CAPZA2: variants seen among roughly 807,000 people sequenced by gnomAD.
The protein encoded by CAPZA2 is capping actin protein of muscle Z-line subunit alpha 2.
A neutral mutation model predicts 44.0 loss-of-function variants in CAPZA2; 13 were observed. The observed-to-expected ratio is 0.30, with a 90% CI of 0.19 to 0.47. CAPZA2 has a LOEUF of 0.47. CAPZA2 is among the 20% of genes least tolerant of loss of function. CAPZA2 has a pLI of 1.00. For missense variants in CAPZA2, 244 were observed against 338.6 expected (o/e 0.72, Z 2.19); for synonymous variants, 94 against 108.2 (o/e 0.87, Z 0.81).
At position 116,904,231 on chromosome 7, in the gene CAPZA2, A is replaced by G; in HGVS notation, c.274A>G (p.Asn92Asp). 1.9e-6 allele frequency: 3 copies of G among 1,613,968 alleles called. No individual in the cohort carries two copies. The highest frequency in any genetic ancestry group is 2.5e-6 in the Non-Finnish European group (3 of 1,179,870). Residue 92 changes from asparagine (N) to aspartate (D), a missense_variant, in exon 5 of 10, where the codon AAC (asparagine) becomes GAC (aspartate). Physicochemically the swap from Asn to Asp is conservative, Grantham distance 23. Coordinates refer to ENST00000361183, the MANE Select transcript of CAPZA2 (RefSeq NM_006136.3). ...LGNGKFLDPK[N>D]RICFKFDHLR... Reference sequence around the variant, plus strand: ...AAATGGAAAGTTTTTGGATCCAAAGAACAGAATCTGTTTTAAATTTGATCA... The same window carrying G: ...AAATGGAAAGTTTTTGGATCCAAAGGACAGAATCTGTTTTAAATTTGATCA...
intron 1 of CAPZA2, among the ~76,000 whole-genome samples, chr7:116,881,508 G>C (rs900297823): frequency 1.3e-5 from 2 of 152,094 alleles, no homozygotes; most frequent in Non-Finnish European, 2.9e-5. Context: ...GGGAGGCCAA[G>C]GTGGGCGGAT....
chr7:116,864,182 AAG>A (rs1388976255), intron 1 of CAPZA2, among the ~76,000 whole-genome samples: 1 of 152,194 alleles, frequency 6.6e-6, no homozygotes, highest in Non-Finnish European at 1.5e-5. Context: ...AAAGCTTAAA[AAG>A]AGATTGTCGT....
At chr7:116,906,124 A>C in intron 5 of CAPZA2, 139 bp from the exon 6 acceptor site, 1 of 1,289,994 alleles carries the variant, frequency 7.8e-7, no homozygotes. Context: ...TCTAGCTACT[A>C]TATTGGAATG....
rs572004666 is a variant in CAPZA2 at position 116,919,893 on chromosome 7, A to G, written c.*2026A>G. The G allele has an allele frequency of 1.3e-5, 2 of 150,436 alleles. No homozygotes were observed. Among genetic ancestry groups the G allele is most frequent in the East Asian group, 2.0e-4 (1 of 5,070 alleles). 9.3% of individuals were successfully genotyped at this position (150,436 alleles called of 1,614,324 possible). Reference sequence around the variant, plus strand: ...AAATAATAATAATAATAATAATAATATAATTTAGAACAGTCTGAAATAATG... The same window carrying G: ...AAATAATAATAATAATAATAATAATGTAATTTAGAACAGTCTGAAATAATG... On this transcript the variant is annotated 3_prime_UTR_variant, in exon 10 of 10. Transcript: ENST00000361183.
intron 1 of CAPZA2, among the ~76,000 whole-genome samples, chr7:116,885,229 T>C (rs1796747602): frequency 6.6e-5 from 10 of 152,180 alleles, no homozygotes; most frequent in Admixed American, 6.5e-4. Context: ...TTTTACATTT[T>C]GAATAAGTCC....
intron 9 of CAPZA2, among the ~76,000 whole-genome samples, chr7:116,916,668 G>A (rs557604967): frequency 2.6e-5 from 4 of 152,138 alleles, no homozygotes; most frequent in African/African-American, 9.6e-5. Context: ...ATTTCTGAGT[G>A]CAGATTGAGT....
At chr7:116,891,414 A>T (rs995192389) in intron 2 of CAPZA2, among the ~76,000 whole-genome samples, 7 of 152,350 alleles carry the variant, frequency 4.6e-5, no homozygotes, top group African/African-American at 1.7e-4. Context: ...TCTATTTTTT[A>T]AAATAGTTTT....
rs1232159720 is a variant in CAPZA2 at position 116,862,645 on chromosome 7, G to A, written c.34G>A (p.Glu12Lys). The change falls in exon 1 of 10, where the codon GAG becomes AAG. Residue 12 changes from glutamate to lysine, a missense_variant. Coordinates refer to ENST00000361183, the MANE Select transcript of CAPZA2 (RefSeq NM_006136.3). ...ADLEEQLSDE[E>K]KVRIAAKFII... ...TCTGGAGGAGCAGTTGTCTGATGAA[G>A]AGAAGGTAAGAGTCGCGGGGGCGAC... 1 of 1,540,516 alleles carries A rather than the reference G, an allele frequency of 6.5e-7. No homozygotes were observed. The highest frequency in any genetic ancestry group is 8.8e-7 in the Non-Finnish European group (1 of 1,142,416).
chr7:116,904,120 A>G, intron 4 of CAPZA2, 57 bp from the exon 5 acceptor site: 1 of 984,036 alleles, frequency 1.0e-6, no homozygotes, highest in Non-Finnish European at 1.6e-6. Flanking sequence ...ATTATGATGT[A>G]TCAATATTGA....
intron 1 of CAPZA2, among the ~76,000 whole-genome samples, chr7:116,879,801 A>G (rs1007756777): frequency 1.3e-5 from 2 of 152,148 alleles, no homozygotes; most frequent in African/African-American, 2.4e-5. Context: ...CAAAATGTTC[A>G]TTTCATTGAA....
intron 1 of CAPZA2, among the ~76,000 whole-genome samples, chr7:116,864,206 AC>A (rs1362655614): frequency 1.4e-4 from 21 of 152,172 alleles, no homozygotes; most frequent in African/African-American, 4.8e-4. Context: ...TTTTTATTCT[AC>A]CATTCTTAAG....
intron 1 of CAPZA2, among the ~76,000 whole-genome samples, chr7:116,884,504 T>TTC (rs1796736816): frequency 1.3e-5 from 2 of 152,216 alleles, no homozygotes; most frequent in Admixed American, 6.5e-5. Flanking sequence ...ATATAGGGAA[T>TTC]ACTGTAGAGT....
chr7:116,914,984 A>C (rs1417230825), intron 8 of CAPZA2, among the ~76,000 whole-genome samples: 1 of 152,164 alleles, frequency 6.6e-6, no homozygotes, highest in Non-Finnish European at 1.5e-5. Flanking sequence ...ACATTGAGCG[A>C]AGATGCTTCC....
At chr7:116,894,117 A>T (rs1329273165) in intron 3 of CAPZA2, among the ~76,000 whole-genome samples, 3 of 152,318 alleles carry the variant, frequency 2.0e-5, no homozygotes, top group Middle Eastern at 3.4e-3. Context: ...TAATCCCAGC[A>T]CTTTGGGAGG....
Position 116,892,954 on chromosome 7 carries a change from A to G in CAPZA2, c.104-40A>G, listed in dbSNP as rs370917046. 4.9e-6 allele frequency: 7 copies of G among 1,418,668 alleles called. No individual in the cohort carries two copies. The African/African-American group carries it at 8.5e-5, about 17-fold the overall frequency. The allele number at this position is 1,418,668 out of a possible 1,614,324, so 87.9% of individuals were successfully genotyped here. A position where few individuals can be genotyped will look rare whatever the true frequency, so the allele number is the denominator to read the frequency against. ...TCTGCGTTCATTACATTCTTGAAAC[A>G]TATAACAATAATAATGTAGATAACA... On this transcript the variant is annotated intron_variant, in intron 2 of 9. Coordinates refer to ENST00000361183, the MANE Select transcript of CAPZA2 (RefSeq NM_006136.3).
rs1465515146 is a variant in CAPZA2 at position 116,917,650 on chromosome 7, T to G, written c.721-77T>G. On this transcript the variant is annotated intron_variant, in intron 9 of 9. Coordinates refer to ENST00000361183, the MANE Select transcript of CAPZA2 (RefSeq NM_006136.3). ...AACAGGCTGCTTAAATAAAACTTAT[T>G]CTGAAAACATCTATGTGCTTTATAA... 4.9e-6 allele frequency: 5 copies of G among 1,017,116 alleles called. No individual in the cohort carries two copies. In the East Asian group the frequency reaches 1.2e-4, roughly 24 times the overall value. The allele number at this position is 1,017,116 out of a possible 1,614,324, so 63.0% of individuals were successfully genotyped here. A position where few individuals can be genotyped will look rare whatever the true frequency, so the allele number is the denominator to read the frequency against.
chr7:116,906,156 G>A (rs1791503401), intron 5 of CAPZA2, 107 bp from the exon 6 acceptor site: 2 of 1,444,818 alleles, frequency 1.4e-6, no homozygotes, highest in Non-Finnish European at 1.8e-6. Flanking sequence ...TGTATTTTAT[G>A]TGTTCTTGTC....
At chr7:116,869,896 G>A (rs1371291352) in intron 1 of CAPZA2, among the ~76,000 whole-genome samples, 1 of 152,084 alleles carries the variant, frequency 6.6e-6, no homozygotes, top group Non-Finnish European at 1.5e-5. Context: ...TTGAGACGGA[G>A]TGTTACTCTG....
chr7:116,911,325 A>T (rs1205674828), intron 7 of CAPZA2, among the ~76,000 whole-genome samples: 1 of 152,196 alleles, frequency 6.6e-6, no homozygotes, highest in Non-Finnish European at 1.5e-5. Flanking sequence ...TAGTTTTTTA[A>T]ATTTAAATGT....
Sources: gnomAD v4.1 joint callset for allele counts (sites outside exome capture counted in the v4.1 genomes callset) on GRCh38, gnomAD v4.1.1 for gene constraint, MANE v1.5 for transcripts, NCBI Gene and HGNC (gene_info 2026-07-23, HGNC 2026-07-21) for gene names.